Variants in TACR1 observed in about 807,000 individuals in gnomAD.
The protein encoded by TACR1 is substance-P receptor.
Under a neutral mutation model 35.8 loss-of-function variants are expected in TACR1, and 25 were observed. The observed-to-expected ratio is 0.70, with a 90% CI of 0.51 to 0.98. TACR1 has a LOEUF of 0.98. Among genes scored for constraint, TACR1 ranks in the 50% least tolerant of loss-of-function variants. TACR1 has a pLI of 0.00. For missense variants in TACR1, 478 were observed against 522.9 expected (o/e 0.91, Z 0.84); for synonymous variants, 195 against 206.7 (o/e 0.94, Z 0.48).
intron 1 of TACR1, among the ~76,000 whole-genome samples, chr2:75,176,325 ATT>A (rs112948586): frequency 1.4e-5 from 2 of 141,618 alleles, no homozygotes; most frequent in Non-Finnish European, 3.1e-5. Context: ...GACATTATAC[ATT>A]TTTTTTTTTT....
chr2:75,106,261 A>G (rs1015638671), intron 2 of TACR1, among the ~76,000 whole-genome samples: 1 of 152,062 alleles, frequency 6.6e-6, no homozygotes, highest in Non-Finnish European at 1.5e-5. Flanking sequence ...AAAAATTATT[A>G]AAGAGAGGGG....
intron 1 of TACR1, among the ~76,000 whole-genome samples, chr2:75,157,154 G>C (rs1284242107): frequency 5.3e-5 from 8 of 152,108 alleles, no homozygotes; most frequent in Admixed American, 2.0e-4. Context: ...GCAGGGGTTG[G>C]GGGATTGATA....
chr2:75,171,087 G>A (rs1372438670), intron 1 of TACR1, among the ~76,000 whole-genome samples: 1 of 152,204 alleles, frequency 6.6e-6, no homozygotes, highest in Admixed American at 6.5e-5. Flanking sequence ...GCATGTCAGA[G>A]GTCTTCACTG....
chr2:75,051,575 T>A, intron 3 of TACR1, 128 bp from the exon 4 acceptor site: 2 of 1,489,002 alleles, frequency 1.3e-6, no homozygotes, highest in South Asian at 1.3e-5. Flanking sequence ...AAGACGCCCC[T>A]TCAAGGAGGA....
intron 1 of TACR1, among the ~76,000 whole-genome samples, chr2:75,180,263 A>C (rs1180587367): frequency 2.0e-5 from 3 of 152,206 alleles, no homozygotes; most frequent in African/African-American, 7.2e-5. Context: ...CTATCACTCT[A>C]AATGGAGAAT....
chr2:75,145,794 C>A (rs987740160), intron 1 of TACR1, among the ~76,000 whole-genome samples: 7 of 152,186 alleles, frequency 4.6e-5, no homozygotes, highest in Non-Finnish European at 7.3e-5. Context: ...CTAGTACAGT[C>A]ACTTTTAGGT....
chr2:75,163,883 C>G (rs192459582), intron 1 of TACR1, among the ~76,000 whole-genome samples: 15 of 151,966 alleles, frequency 9.9e-5, no homozygotes, highest in Non-Finnish European at 1.8e-4. Flanking sequence ...TGTTAGTTAA[C>G]CAGTCTATAT....
chr2:75,056,523 G>C (rs1573458188), intron 2 of TACR1, among the ~76,000 whole-genome samples: 1 of 152,154 alleles, frequency 6.6e-6, no homozygotes, highest in East Asian at 1.9e-4. Context: ...CCCAATAAAG[G>C]CTTTCCTGTG....
chr2:75,049,298 C>G lies in TACR1; in HGVS notation c.*134G>C. On this transcript the variant is annotated 3_prime_UTR_variant, in exon 5 of 5. Coordinates refer to ENST00000305249, the MANE Select transcript of TACR1 (RefSeq NM_001058.4). The stretch of plus-strand genomic sequence containing the variant: ...TTGACTCAAGGATGGAATGTTTTCC[C>G]TAACCCATACTGACCCTTTTTGCAA... The G allele has an allele frequency of 4.1e-6, 4 of 979,016 alleles. No homozygotes were observed. Among genetic ancestry groups the G allele is most frequent in the Non-Finnish European group, 5.9e-6 (4 of 673,072 alleles). 60.6% of individuals were successfully genotyped at this position (979,016 alleles called of 1,614,324 possible).
intron 2 of TACR1, among the ~76,000 whole-genome samples, chr2:75,114,734 TCTC>T (rs1287443153): frequency 1.1e-4 from 17 of 152,332 alleles, no homozygotes; most frequent in African/African-American, 4.1e-4. Flanking sequence ...CTGTCAGTCA[TCTC>T]CACCTTCCTA....
intron 1 of TACR1, among the ~76,000 whole-genome samples, chr2:75,181,223 C>T (rs1168259613): frequency 6.6e-6 from 1 of 152,150 alleles, no homozygotes; most frequent in African/African-American, 2.4e-5. Context: ...CTTCAACATT[C>T]TCCCACTCCT....
intron 1 of TACR1, among the ~76,000 whole-genome samples, chr2:75,136,707 C>G (rs1674299513): frequency 6.6e-6 from 1 of 152,188 alleles, no homozygotes; most frequent in African/African-American, 2.4e-5. Context: ...TTCCATCACA[C>G]TTGATTATTG....
chr2:75,148,708 A>G (rs1281407747), intron 1 of TACR1, among the ~76,000 whole-genome samples: 4 of 152,162 alleles, frequency 2.6e-5, no homozygotes, highest in African/African-American at 9.7e-5. Flanking sequence ...TTTGCTGTGC[A>G]GAAGCTCTTT....
In TACR1 at chr2:75,198,886, T is replaced by C. The variant is rs1187713805; in HGVS notation, c.49A>G (p.Thr17Ala). The stretch of plus-strand genomic sequence containing the variant: ...AACTGATTGGGTTCCGAGGTGTTAG[T>C]GGAGATGTTTGGGGAGAGGTCTGAG... ...VDSDLSPNISTNTSEPNQFVQ... is the reference protein window; with the variant it reads ...VDSDLSPNISANTSEPNQFVQ... The change falls in exon 1 of 5, where the codon ACT becomes GCT. Residue 17 changes from threonine to alanine, a missense_variant. Physicochemically the swap from Thr to Ala is moderately conservative, Grantham distance 58 (BLOSUM62 0). Coordinates refer to ENST00000305249, the MANE Select transcript of TACR1 (RefSeq NM_001058.4). The C allele has an allele frequency of 1.2e-6, 2 of 1,613,822 alleles. No homozygotes were observed. Among genetic ancestry groups the C allele is most frequent in the Admixed American group, 3.3e-5 (2 of 60,010 alleles).
chr2:75,123,713 C>A (rs142482827), intron 1 of TACR1, among the ~76,000 whole-genome samples: 1,987 of 152,232 alleles, frequency 0.013, 20 homozygotes, highest in South Asian at 0.026. Context: ...CCTTTCCTCT[C>A]TTTCCTCCTT....
At chr2:75,068,629 C>T (rs1239667717) in intron 2 of TACR1, among the ~76,000 whole-genome samples, 1 of 152,184 alleles carries the variant, frequency 6.6e-6, no homozygotes, top group African/African-American at 2.4e-5. Flanking sequence ...TATATAACCT[C>T]ATTCAGTTCT....
intron 1 of TACR1, among the ~76,000 whole-genome samples, chr2:75,141,529 GAA>G (rs531502268): frequency 6.9e-6 from 1 of 144,554 alleles, no homozygotes; most frequent in African/African-American, 2.6e-5. Flanking sequence ...TGGAGGCAAG[GAA>G]AAAAAAAAAA....
chr2:75,133,524 GACC>G (rs1674218723), intron 1 of TACR1, among the ~76,000 whole-genome samples: 1 of 152,054 alleles, frequency 6.6e-6, no homozygotes, highest in African/African-American at 2.4e-5. Flanking sequence ...CTAATGTTAT[GACC>G]TCCAGTTTCC....
Position 75,047,015 on chromosome 2 carries a change from A to G in TACR1, c.*2417T>C, listed in dbSNP as rs1297217386. ...TGGTGTTTCTTACATGTGGGAGTTGATGACATTTTTATAAGTTAGTGGACA... is the reference window on the plus strand; with the variant it reads ...TGGTGTTTCTTACATGTGGGAGTTGGTGACATTTTTATAAGTTAGTGGACA... On this transcript the variant is annotated 3_prime_UTR_variant, in exon 5 of 5. Coordinates refer to ENST00000305249, the MANE Select transcript of TACR1 (RefSeq NM_001058.4). The G allele has an allele frequency of 6.6e-6, 1 of 152,252 alleles. No individual in the cohort carries two copies. Among genetic ancestry groups the G allele is most frequent in the Non-Finnish European group, 1.5e-5 (1 of 68,072 alleles). The allele number at this position is 152,252 out of a possible 1,614,324, so 9.4% of individuals were successfully genotyped here. A position where few individuals can be genotyped will look rare whatever the true frequency, so the allele number is the denominator to read the frequency against.
Sources: gnomAD v4.1 joint callset for allele counts (sites outside exome capture counted in the v4.1 genomes callset) on GRCh38, gnomAD v4.1.1 for gene constraint, MANE v1.5 for transcripts, NCBI Gene and HGNC (gene_info 2026-07-23, HGNC 2026-07-21) for gene names.